TIAM2: variants seen among roughly 807,000 people sequenced by gnomAD.
TIAM2 encodes TIAM Rac1 associated GEF 2, also known as rho guanine nucleotide exchange factor TIAM2.
TIAM2 carries 80 observed loss-of-function variants against 152.9 expected under a neutral mutation model. The ratio of observed to expected loss-of-function variants is 0.52; its 90% CI spans 0.44 to 0.63. TIAM2 has a LOEUF of 0.63. Among genes scored for constraint, TIAM2 ranks in the 30% least tolerant of loss-of-function variants. TIAM2 has a pLI of 0.00. For missense variants in TIAM2, 1,965 were observed against 2,120.1 expected (o/e 0.93, Z 1.44); for synonymous variants, 804 against 838.0 (o/e 0.96, Z 0.70).
chr6:155,251,873 C>T (rs1209121712), intron 22 of TIAM2, 72 bp from the exon 23 acceptor site: 21 of 1,194,462 alleles, frequency 1.8e-5, no homozygotes, highest in East Asian at 9.6e-5. Context: ...TCTGTTAAGA[C>T]GTTCAGCTCT....
At chr6:155,113,370 C>T (rs1778907231) in intron 2 of TIAM2, among the ~76,000 whole-genome samples, 1 of 152,142 alleles carries the variant, frequency 6.6e-6, no homozygotes, top group South Asian at 2.1e-4. Context: ...CACGTTGCCT[C>T]CTCCCCCATT....
At chr6:155,216,317 G>T (rs188991062) in intron 15 of TIAM2, among the ~76,000 whole-genome samples, 46 of 152,240 alleles carry the variant, frequency 3.0e-4, no homozygotes, top group African/African-American at 1.1e-3. Flanking sequence ...CTTCTTTTCA[G>T]ATTAGACCCT....
At position 155,156,808 on chromosome 6, in the gene TIAM2, A is replaced by G. The variant is rs1015717628; in HGVS notation, c.2029-7607A>G. 6.6e-6 allele frequency among the ~76,000 whole-genome samples: 1 copy of G among 152,162 alleles called. No individual in the cohort carries two copies. Among genetic ancestry groups the G allele is most frequent in the African/African-American group, 2.4e-5 (1 of 41,426 alleles). On this transcript the variant is annotated intron_variant, in intron 7 of 26. Coordinates refer to ENST00000682666, the MANE Select transcript of TIAM2 (RefSeq NM_012454.4). This position sits in a 1 kb window ranked among gnomAD's most constrained non-coding sequence, Gnocchi z 4.4. The stretch of plus-strand genomic sequence containing the variant: ...TGCTCCTTTCTTTGGGTTTTTCCTC[A>G]GGCAGAGAGGACTCCTGTGCTGTGC...
At chr6:155,021,936 C>T (rs1011959199) in intron 1 of TIAM2, among the ~76,000 whole-genome samples, 3 of 152,204 alleles carry the variant, frequency 2.0e-5, no homozygotes, top group African/African-American at 7.2e-5. Context: ...AAGCCCCTGT[C>T]CTGACCTCCT....
intron 2 of TIAM2, among the ~76,000 whole-genome samples, chr6:155,120,230 T>C (rs1481821332): frequency 6.6e-6 from 1 of 152,264 alleles, no homozygotes; most frequent in Non-Finnish European, 1.5e-5. Context: ...TTGCCGCAGA[T>C]GGGTCTATCC....
intron 1 of TIAM2, among the ~76,000 whole-genome samples, chr6:155,012,794 G>T (rs368695978): frequency 6.6e-6 from 1 of 152,146 alleles, no homozygotes; most frequent in Non-Finnish European, 1.5e-5. Flanking sequence ...CAAGTGATCC[G>T]CCCTACTCGG....
intron 1 of TIAM2, among the ~76,000 whole-genome samples, chr6:155,082,665 C>CAAATAAATAAATAAAT (rs765607888): frequency 0.074 from 6,889 of 93,350 alleles, 244 homozygotes; most frequent in South Asian, 0.093. Flanking sequence ...CAAAAAAACC[C>CAAATAAATAAATAAAT]CAATAAATAA....
chr6:155,036,907 C>G (rs9397218), intron 1 of TIAM2, among the ~76,000 whole-genome samples: 2 of 151,950 alleles, frequency 1.3e-5, no homozygotes, highest in African/African-American at 4.8e-5. Context: ...CATGAGCCAC[C>G]GCGCCTGGCC....
intron 14 of TIAM2, among the ~76,000 whole-genome samples, chr6:155,189,800 G>C (rs1781151558): frequency 1.3e-5 from 2 of 152,144 alleles, no homozygotes; most frequent in Non-Finnish European, 2.9e-5. Context: ...TTTTACAAGA[G>C]CAAAGGCACC....
chr6:155,053,507 C>A (rs62434512), intron 1 of TIAM2, among the ~76,000 whole-genome samples: 4 of 147,288 alleles, frequency 2.7e-5, no homozygotes, highest in Non-Finnish European at 6.0e-5. Context: ...AGTCTTGCCC[C>A]GTCGTCCAGG....
intron 14 of TIAM2, among the ~76,000 whole-genome samples, chr6:155,208,919 T>TCCTCCTAGCATTGGCC (rs1298744818): frequency 6.6e-6 from 1 of 151,984 alleles, no homozygotes; most frequent in Non-Finnish European, 1.5e-5. Flanking sequence ...GGTGCCCGGC[T>TCCTCCTAGCATTGGCC]CCTCCTAGCA....
Position 155,210,435 on chromosome 6 carries a change from C to T in TIAM2, c.3065-769C>T, listed in dbSNP as rs535401415. On this transcript the variant is annotated intron_variant, in intron 14 of 26. Transcript: ENST00000682666. ...CTGGGCTCAAGCCATCCTCCTGCCT[C>T]AGCCGTCCAAGTAGCTGGGATTATA... Among the ~76,000 whole-genome samples, 4 of 152,042 alleles carry T rather than the reference C, an allele frequency of 2.6e-5. No individual in the cohort carries two copies. The South Asian group carries it at 8.3e-4, about 32-fold the overall frequency.
chr6:155,147,176 C>CTTTTTTTT (rs3028764), intron 6 of TIAM2, among the ~76,000 whole-genome samples: 1 of 143,334 alleles, frequency 7.0e-6, no homozygotes, highest in Non-Finnish European at 1.5e-5. Flanking sequence ...TTACATTGTT[C>CTTTTTTTT]TTTTTTTTTT....
At chr6:155,249,735 C>T (rs1783538542) in intron 20 of TIAM2, 116 bp from the exon 21 acceptor site, 1 of 744,996 alleles carries the variant, frequency 1.3e-6, no homozygotes, top group African/African-American at 1.8e-5. Flanking sequence ...AATGCTCCTG[C>T]TAGTGGGTAC....
intron 7 of TIAM2, among the ~76,000 whole-genome samples, chr6:155,153,467 A>C (rs1780022850): frequency 6.6e-6 from 1 of 151,968 alleles, no homozygotes; most frequent in African/African-American, 2.4e-5. Context: ...AAGAAATTCT[A>C]CCTGGAAGTA....
intron 14 of TIAM2, among the ~76,000 whole-genome samples, chr6:155,190,154 A>G (rs867212609): frequency 6.6e-6 from 1 of 152,194 alleles, no homozygotes; most frequent in South Asian, 2.1e-4. Flanking sequence ...CCTTCTATAA[A>G]ATATAGAGAA....
chr6:155,164,506 C>T lies in TIAM2; in HGVS notation c.2120C>T (p.Pro707Leu), dbSNP rs758740696. 8.1e-6 allele frequency: 13 copies of T among 1,613,976 alleles called. No homozygotes were observed. Among genetic ancestry groups the T allele is most frequent in the African/African-American group, 2.7e-5 (2 of 74,900 alleles). ...GCCAGCCTACAAGGTGGGGAGTTAC[C>T]GAACCCAAAGAGTCTCCTTGCAGCC... is the stretch of plus-strand genomic sequence containing the variant. ...YLASLQGGEL[P>L]NPKSLLAAAS... The change falls in exon 8 of 27, where the codon CCG (proline) becomes CTG (leucine). Residue 707 changes from proline (P) to leucine (L), a missense_variant. Pro to Leu is a moderately conservative substitution (Grantham distance 98). Coordinates refer to ENST00000682666, the MANE Select transcript of TIAM2 (RefSeq NM_012454.4).
intron 1 of TIAM2, among the ~76,000 whole-genome samples, chr6:155,028,202 T>C (rs563615431): frequency 6.3e-5 from 8 of 127,576 alleles, no homozygotes; most frequent in Admixed American, 6.0e-4. Flanking sequence ...ATACTACATA[T>C]AATATATGTA....
intron 19 of TIAM2, among the ~76,000 whole-genome samples, chr6:155,246,257 C>T (rs1783323527): frequency 6.6e-6 from 1 of 152,094 alleles, no homozygotes; most frequent in Admixed American, 6.5e-5. Flanking sequence ...GGAGGTTTAT[C>T]CTGACGCCCT....
Sources: allele counts gnomAD v4.1 joint callset (sites outside exome capture counted in the v4.1 genomes callset), GRCh38; gene constraint gnomAD v4.1.1; non-coding constraint Gnocchi (gnomAD v3.1); transcripts MANE v1.5; gene names NCBI Gene and HGNC (gene_info 2026-07-23, HGNC 2026-07-21).